The following TTF1 variants were observed in gnomAD, a reference collection of about 807,000 sequenced individuals.
The protein encoded by TTF1 is transcription termination factor, RNA polymerase I.
Under a neutral mutation model 80.2 loss-of-function variants are expected in TTF1, and 64 were observed. The ratio of observed to expected loss-of-function variants is 0.80; its 90% CI spans 0.65 to 0.98. The LOEUF (loss-of-function observed/expected upper bound fraction) is 0.98. Ranked by LOEUF, TTF1 falls within the 50% of genes least tolerant of loss-of-function variation. The probability of loss-of-function intolerance (pLI) is 0.00; values close to 1 mark genes in which losing one functional copy is unlikely to be tolerated. For missense variants in TTF1, 1,023 were observed against 1,086.2 expected, an observed-to-expected ratio of 0.94 and a Z score of 0.82; for synonymous variants, 372 against 382.7, an observed-to-expected ratio of 0.97 and a Z score of 0.33.
chr9:132,406,772 A>C lies in TTF1; in HGVS notation c.-8+18T>G, dbSNP rs942238329. 6.6e-6 allele frequency: 1 copy of C among 152,070 alleles called. No individual in the cohort carries two copies. Among genetic ancestry groups the C allele is most frequent in the African/African-American group, 2.4e-5 (1 of 41,424 alleles). 9.4% of individuals were successfully genotyped at this position (152,070 alleles called of 1,614,324 possible). A position where few individuals can be genotyped will look rare whatever the true frequency, so the allele number is the denominator to read the frequency against. On this transcript the variant is annotated intron_variant, in intron 1 of 10. Transcript: ENST00000334270. Reference sequence around the variant, plus strand: ...CGCATTTTGAAAAACAGAAACAACAAAGGCGCTTTCAACTTACCCTCCGAA... The same window carrying C: ...CGCATTTTGAAAAACAGAAACAACACAGGCGCTTTCAACTTACCCTCCGAA...
intron 10 of TTF1, among the ~76,000 whole-genome samples, chr9:132,377,670 T>TGGTGTGTGAGTGCATGG (rs1564181373): frequency 8.6e-6 from 1 of 115,678 alleles, no homozygotes. Context: ...TGAGTGCATG[T>TGGTGTGTGAGTGCATGG]GGTGTGTGAA....
At chr9:132,400,967 A>G (rs906645834) in intron 2 of TTF1, among the ~76,000 whole-genome samples, 2 of 152,248 alleles carry the variant, frequency 1.3e-5, no homozygotes. Context: ...TGCCAAGTTT[A>G]CACAATTAAA....
In TTF1 at chr9:132,388,158, T is replaced by C; in HGVS notation, c.2293A>G (p.Lys765Glu). 6.2e-7 allele frequency: 1 copy of C among 1,611,968 alleles called. No individual in the cohort carries two copies. The highest frequency in any genetic ancestry group is 8.5e-7 in the Non-Finnish European group (1 of 1,178,482). Reference protein sequence around the residue: ...IYYGMNALRAKVSLIERLYEI... With the variant: ...IYYGMNALRAEVSLIERLYEI... Reference sequence around the variant, plus strand: ...TCATACCTTTCAATAAGGCTGACCTTGGCCCGCAGGGCATTCATGCCATAG... The same window carrying C: ...TCATACCTTTCAATAAGGCTGACCTCGGCCCGCAGGGCATTCATGCCATAG... Residue 765 changes from lysine to glutamate, a missense_variant, in exon 8 of 11, where the codon AAG (lysine) becomes GAG (glutamate). Lys to Glu is a moderately conservative substitution (Grantham distance 56). Coordinates refer to ENST00000334270, the MANE Select transcript of TTF1 (RefSeq NM_007344.4).
intron 1 of TTF1, among the ~76,000 whole-genome samples, chr9:132,405,093 T>C (rs1334717781): frequency 6.6e-6 from 1 of 152,176 alleles, no homozygotes; most frequent in Non-Finnish European, 1.5e-5. Context: ...TTCACCGTGT[T>C]AGCCAGGATG....
chr9:132,392,005 C>A (rs952979814), intron 6 of TTF1, 71 bp downstream of exon 6: 2 of 1,595,246 alleles, frequency 1.3e-6, no homozygotes, highest in Non-Finnish European at 8.5e-7. Flanking sequence ...GGCATTGGAT[C>A]GGTTATGGCT....
Position 132,390,794 on chromosome 9 carries a change from C to G in TTF1, c.2025G>C (p.Arg675=), listed in dbSNP as rs750474434. Residue 675 remains arginine, a synonymous_variant, in exon 7 of 11, where the codon CGG becomes CGC. Transcript: ENST00000334270. ...CTTCTTCGACAGCCTTGATTAGTTTCCGGGTTTCAGACTTACTCCAAGCAC... is the reference window on the plus strand; with the variant it reads ...CTTCTTCGACAGCCTTGATTAGTTTGCGGGTTTCAGACTTACTCCAAGCAC... The part of the protein sequence containing the change: ...NRGAWSKSET[R]KLIKAVEEVI... The G allele has an allele frequency of 1.1e-5, 17 of 1,614,022 alleles. No homozygotes were observed. Among genetic ancestry groups the G allele is most frequent in the Admixed American group, 3.3e-5 (2 of 60,002 alleles).
intron 9 of TTF1, 23 bp from the exon 10 acceptor site, chr9:132,379,167 T>C (rs1281243733): frequency 6.4e-7 from 1 of 1,560,066 alleles, no homozygotes; most frequent in African/African-American, 1.4e-5. Flanking sequence ...AAAGAAAAGA[T>C]AAAAAGCAAG....
intron 1 of TTF1, among the ~76,000 whole-genome samples, chr9:132,405,679 A>T (rs1354073392): frequency 1.3e-5 from 2 of 152,226 alleles, no homozygotes; most frequent in African/African-American, 4.8e-5. Context: ...ATAAAGTCAA[A>T]ATCCTCACAG....
At chr9:132,390,891 T>A in intron 6 of TTF1, 60 bp from the exon 7 acceptor site, 1 of 1,471,370 alleles carries the variant, frequency 6.8e-7, no homozygotes, top group Non-Finnish European at 9.3e-7. Context: ...AACACAATAT[T>A]AAAAATGAAA....
In TTF1 at chr9:132,375,744, G is replaced by A. The variant is rs1438097484; in HGVS notation, c.*171C>T. The A allele has an allele frequency of 1.2e-5, 7 of 567,948 alleles. No homozygotes were observed. Among genetic ancestry groups the A allele is most frequent in the South Asian group, 2.1e-5 (1 of 46,520 alleles). The allele number at this position is 567,948 out of a possible 1,614,324, so 35.2% of individuals were successfully genotyped here. On this transcript the variant is annotated 3_prime_UTR_variant, in exon 11 of 11. Transcript: ENST00000334270. ...TAATCTCTCTCTCTCATGCGGTGGT[G>A]CGATCTTGGCTCACTGCAACCTCCA...
intron 9 of TTF1, 151 bp downstream of exon 9, chr9:132,386,405 T>C (rs930141915): frequency 2.8e-6 from 2 of 708,628 alleles, no homozygotes; most frequent in Non-Finnish European, 2.4e-6. Flanking sequence ...AACAAATTGG[T>C]TTCCTAGCAA....
chr9:132,380,851 T>C (rs114870620), intron 9 of TTF1, among the ~76,000 whole-genome samples: 1,725 of 152,294 alleles, frequency 0.011, 34 homozygotes, highest in African/African-American at 0.039. Flanking sequence ...AAATCTGAAA[T>C]AGGTAATCAG....
At chr9:132,381,681 A>T (rs1849374542) in intron 9 of TTF1, among the ~76,000 whole-genome samples, 1 of 152,046 alleles carries the variant, frequency 6.6e-6, no homozygotes, top group Admixed American at 6.5e-5. Context: ...AAAAGAAAAG[A>T]CTTTGGGACC....
Position 132,402,518 on chromosome 9 carries a change from C to CT in TTF1, c.303_304insA (p.Val102SerfsTer8). On this transcript the variant is annotated frameshift_variant, in exon 2 of 11. Transcript: ENST00000334270. LOFTEE classifies it high-confidence loss of function. ...TCTTTATCCACAAGGACAACTGTAA[C>CT]ACCTGCTTCCTCGTCCACCTCCAAA... is the stretch of plus-strand genomic sequence containing the variant. The CT allele has an allele frequency of 6.2e-7, 1 of 1,614,222 alleles. No homozygotes were observed. The highest frequency in any genetic ancestry group is 1.1e-5 in the South Asian group (1 of 91,088).
chr9:132,393,900 G>A (rs940669703), intron 5 of TTF1, among the ~76,000 whole-genome samples: 2 of 151,752 alleles, frequency 1.3e-5, no homozygotes, highest in Non-Finnish European at 2.9e-5. Flanking sequence ...TCATCACTAA[G>A]AAGTCCTAAA....
At chr9:132,398,910 CT>C (rs889682638) in intron 3 of TTF1, among the ~76,000 whole-genome samples, 2 of 151,932 alleles carry the variant, frequency 1.3e-5, no homozygotes, top group African/African-American at 4.8e-5. Flanking sequence ...TTAAAAATAT[CT>C]TATGGGCAAG....
chr9:132,395,121 G>A (rs1564188225), intron 5 of TTF1, among the ~76,000 whole-genome samples: 2 of 152,112 alleles, frequency 1.3e-5, no homozygotes, highest in Admixed American at 1.3e-4. Flanking sequence ...GAACCTGGGA[G>A]GCGGAGGTTG....
chr9:132,401,550 A>C lies in TTF1; in HGVS notation c.1272T>G (p.Gly424=). 6.2e-7 allele frequency: 1 copy of C among 1,614,070 alleles called. No homozygotes were observed. The highest frequency in any genetic ancestry group is 8.5e-7 in the Non-Finnish European group (1 of 1,180,024). The change falls in exon 2 of 11, where the codon GGT becomes GGG. Residue 424 remains glycine, a synonymous_variant. Transcript: ENST00000334270. ...CACCTTCTTCCATCATGGCGCCATC[A>C]CCTTCTACTGAATCAAAGAGTGTGC... The part of the protein sequence containing the change: ...SESTLFDSVE[G]DGAMMEEGVK...
In TTF1 at chr9:132,402,750, T is replaced by C; in HGVS notation, c.72A>G (p.Ile24Met). The change falls in exon 2 of 11, where the codon ATA becomes ATG. Residue 24 changes from isoleucine (I) to methionine (M), a missense_variant. Transcript: ENST00000334270. ...AATGTTTCTGAGGTCTTTCCTTATGTATAGAACACTTTTTCTTTTTCTTGT... is the reference window on the plus strand; with the variant it reads ...AATGTTTCTGAGGTCTTTCCTTATGCATAGAACACTTTTTCTTTTTCTTGT... The part of the protein sequence containing the change: ...VSDKKKKKCS[I>M]HKERPQKHSH... 1.2e-6 allele frequency: 2 copies of C among 1,608,056 alleles called. No homozygotes were observed.
Sources: gnomAD v4.1 joint callset for allele counts (sites outside exome capture counted in the v4.1 genomes callset) on GRCh38, gnomAD v4.1.1 for gene constraint, MANE v1.5 for transcripts, NCBI Gene and HGNC (gene_info 2026-07-23, HGNC 2026-07-21) for gene names.